RPS6KA2: variants seen among roughly 807,000 people sequenced by gnomAD.
RPS6KA2 encodes ribosomal protein S6 kinase alpha-2.
Under a neutral mutation model 91.8 loss-of-function variants are expected in RPS6KA2, and 42 were observed. That is an observed-to-expected ratio of 0.46 (90% CI 0.36 to 0.59). The LOEUF (loss-of-function observed/expected upper bound fraction) is 0.59. RPS6KA2 is among the 20% of genes least tolerant of loss of function. The pLI is 0.00. For synonymous variants in RPS6KA2, 414 were observed against 393.6 expected, an observed-to-expected ratio of 1.05 and a Z score of -0.61; for missense variants, 798 against 978.5, an observed-to-expected ratio of 0.82 and a Z score of 2.46.
At chr6:166,858,361 G>T (rs917833957) in intron 1 of RPS6KA2, 2 of 677,792 alleles carry the variant, frequency 3.0e-6, no homozygotes, top group African/African-American at 1.8e-5. Context: ...TAAATATCCC[G>T]CATGATTTCT....
intron 1 of RPS6KA2, among the ~76,000 whole-genome samples, chr6:166,860,033 T>C (rs1337700154): frequency 1.3e-5 from 2 of 152,200 alleles, no homozygotes; most frequent in Non-Finnish European, 2.9e-5. Flanking sequence ...CATTTCTTGA[T>C]ATGTGAGTTA....
intron 1 of RPS6KA2, among the ~76,000 whole-genome samples, chr6:166,590,761 T>C (rs1785329598): frequency 6.7e-6 from 1 of 148,794 alleles, no homozygotes; most frequent in Non-Finnish European, 1.5e-5. Flanking sequence ...TTTAAAAAAT[T>C]AAAAAAAAAA....
At chr6:166,678,115 C>T (rs1299039788) in intron 2 of RPS6KA2, among the ~76,000 whole-genome samples, 1 of 152,174 alleles carries the variant, frequency 6.6e-6, no homozygotes, top group Admixed American at 6.5e-5. Flanking sequence ...TGTGTTCATA[C>T]CAACAGCCCG....
In RPS6KA2 at chr6:166,495,291, C is replaced by G. The variant is rs545906964; in HGVS notation, c.747+3217G>C. 1.3e-5 allele frequency among the ~76,000 whole-genome samples: 2 copies of G among 151,998 alleles called. No homozygotes were observed. Among genetic ancestry groups the G allele is most frequent in the African/African-American group, 4.8e-5 (2 of 41,264 alleles). ...ACCACGGCAACAGCCAGCCCTGCCTCGGGCTCGAGAGTGACACAGCAGTTC... is the reference window on the plus strand; with the variant it reads ...ACCACGGCAACAGCCAGCCCTGCCTGGGGCTCGAGAGTGACACAGCAGTTC... On this transcript the variant is annotated intron_variant, in intron 8 of 20. Coordinates refer to ENST00000265678, the MANE Select transcript of RPS6KA2 (RefSeq NM_021135.6). This position sits in a 1 kb window ranked among gnomAD's most constrained non-coding sequence, Gnocchi z 4.4.
At chr6:166,772,594 A>G (rs758235869) in intron 2 of RPS6KA2, among the ~76,000 whole-genome samples, 9 of 152,330 alleles carry the variant, frequency 5.9e-5, no homozygotes, top group South Asian at 2.1e-4. Flanking sequence ...ACAGAAAAAT[A>G]CCTAATAGCA....
At chr6:166,469,999 G>A in intron 10 of RPS6KA2, 94 bp from the exon 11 acceptor site, 5 of 1,159,884 alleles carry the variant, frequency 4.3e-6, no homozygotes, top group Non-Finnish European at 5.2e-6. Context: ...GGGATGTGCA[G>A]AGGTGGGGCC....
At chr6:166,844,552 A>G (rs1422751370) in intron 2 of RPS6KA2, among the ~76,000 whole-genome samples, 5 of 152,254 alleles carry the variant, frequency 3.3e-5, no homozygotes, top group Admixed American at 2.0e-4. Flanking sequence ...AGGAAAACCT[A>G]TAAGATTAAC....
chr6:166,728,185 G>C (rs987843535), intron 2 of RPS6KA2, among the ~76,000 whole-genome samples: 19 of 152,310 alleles, frequency 1.2e-4, no homozygotes, highest in African/African-American at 4.1e-4. Flanking sequence ...AGAGGTCCTG[G>C]AACCAGATGC....
At chr6:166,454,204 T>C (rs1322365252) in intron 12 of RPS6KA2, among the ~76,000 whole-genome samples, 3 of 151,976 alleles carry the variant, frequency 2.0e-5, no homozygotes, top group Non-Finnish European at 2.9e-5. Flanking sequence ...TTTACAGAAA[T>C]AAAAAATAAA....
intron 1 of RPS6KA2, among the ~76,000 whole-genome samples, chr6:166,582,016 G>A (rs1479446574): frequency 7.0e-6 from 1 of 142,518 alleles, no homozygotes; most frequent in Non-Finnish European, 1.5e-5. Context: ...GAGGTGAGAT[G>A]GGGTGGGACG....
intron 1 of RPS6KA2, among the ~76,000 whole-genome samples, chr6:166,561,186 C>A (rs767298868): frequency 1.3e-5 from 2 of 152,208 alleles, no homozygotes; most frequent in Non-Finnish European, 2.9e-5. Flanking sequence ...GCCCTACACA[C>A]CTCATTCAGG....
At chr6:166,695,172 A>G (rs1352985136) in intron 2 of RPS6KA2, among the ~76,000 whole-genome samples, 3 of 152,192 alleles carry the variant, frequency 2.0e-5, no homozygotes, top group African/African-American at 7.2e-5. Context: ...GAAGACTTGA[A>G]CCCAGGTTGG....
chr6:166,534,543 C>T (rs1783420637), intron 2 of RPS6KA2, among the ~76,000 whole-genome samples: 1 of 152,172 alleles, frequency 6.6e-6, no homozygotes, highest in African/African-American at 2.4e-5. Flanking sequence ...CAGAGGAAGC[C>T]CCATTCCACT....
At chr6:166,617,760 C>A (rs918295403) in intron 1 of RPS6KA2, among the ~76,000 whole-genome samples, 4 of 152,228 alleles carry the variant, frequency 2.6e-5, no homozygotes, top group African/African-American at 4.8e-5. Context: ...AACCTAGAAG[C>A]TGCGAATTAC....
chr6:166,750,992 A>T (rs180741105), intron 2 of RPS6KA2, among the ~76,000 whole-genome samples: 1 of 152,340 alleles, frequency 6.6e-6, no homozygotes. Context: ...CTGACACTCT[A>T]GAAAGTGTGA....
At chr6:166,471,857 A>G (rs1780782929) in intron 10 of RPS6KA2, among the ~76,000 whole-genome samples, 1 of 152,174 alleles carries the variant, frequency 6.6e-6, no homozygotes, top group Non-Finnish European at 1.5e-5. Flanking sequence ...TCCCCAGTCT[A>G]GCTCCCTTGT....
At position 166,665,163 on chromosome 6, in the gene RPS6KA2, C is replaced by T. The variant is rs757123207; in HGVS notation, c.124-126379G>A. 2.6e-5 allele frequency among the ~76,000 whole-genome samples: 4 copies of T among 151,280 alleles called. No homozygotes were observed. Among genetic ancestry groups the T allele is most frequent in the Non-Finnish European group, 5.9e-5 (4 of 67,976 alleles). Reference sequence around the variant, plus strand: ...GGGTGTTCAAGTTCTGCCTTCCATACAGAACAACATCTGCAGGGCTCACAG... The same window carrying T: ...GGGTGTTCAAGTTCTGCCTTCCATATAGAACAACATCTGCAGGGCTCACAG... On this transcript the variant is annotated intron_variant, in intron 2 of 21. Coordinates refer to the RPS6KA2 transcript ENST00000503859. The surrounding 1 kb of genome is among the most constrained non-coding windows in gnomAD (Gnocchi z 4.5).
At chr6:166,734,177 T>C (rs1252776494) in intron 2 of RPS6KA2, among the ~76,000 whole-genome samples, 2 of 152,234 alleles carry the variant, frequency 1.3e-5, no homozygotes, top group African/African-American at 2.4e-5. Context: ...CGAGGGCTCC[T>C]GGCAGGAGCT....
chr6:166,469,768 A>C (rs1583175496), intron 11 of RPS6KA2, 73 bp downstream of exon 11: 1 of 1,349,952 alleles, frequency 7.4e-7, no homozygotes, highest in Middle Eastern at 1.9e-4. Flanking sequence ...GACCCTCTGC[A>C]CCAAGCCGTA....
Sources: allele counts gnomAD v4.1 joint callset (sites outside exome capture counted in the v4.1 genomes callset), GRCh38; gene constraint gnomAD v4.1.1; non-coding constraint Gnocchi (gnomAD v3.1); transcripts MANE v1.5; gene names NCBI Gene and HGNC (gene_info 2026-07-23, HGNC 2026-07-21).